Variants in GOLGA5 observed in about 807,000 individuals in gnomAD.
GOLGA5 encodes the protein golgin subfamily A member 5.
GOLGA5 carries 50 observed loss-of-function variants against 93.5 expected under a neutral mutation model. The observed-to-expected ratio is 0.53, with a 90% CI of 0.43 to 0.68. The LOEUF is 0.68. GOLGA5 is among the 30% of genes least tolerant of loss of function. The probability of loss-of-function intolerance (pLI) is 0.00; values close to 1 mark genes in which losing one functional copy is unlikely to be tolerated. For missense variants in GOLGA5, 760 were observed against 856.4 expected, an observed-to-expected ratio of 0.89 and a Z score of 1.40; for synonymous variants, 312 against 304.5, an observed-to-expected ratio of 1.02 and a Z score of -0.26.
chr14:92,798,307 C>T (rs143065653), intron 2 of GOLGA5, among the ~76,000 whole-genome samples: 30 of 152,248 alleles, frequency 2.0e-4, no homozygotes, highest in African/African-American at 6.3e-4. Flanking sequence ...CAGTTTGGAT[C>T]GGGGACTATC....
At chr14:92,813,292 G>A (rs1885139852) in intron 6 of GOLGA5, among the ~76,000 whole-genome samples, 2 of 152,288 alleles carry the variant, frequency 1.3e-5, no homozygotes, top group East Asian at 3.9e-4. Context: ...CAAAAGATGT[G>A]TCCTCTTCCT....
chr14:92,811,276 C>A (rs1164146435), intron 5 of GOLGA5, among the ~76,000 whole-genome samples: 1 of 152,134 alleles, frequency 6.6e-6, no homozygotes, highest in Admixed American at 6.5e-5. Context: ...TTCCCAGACC[C>A]ATCTTGAAAA....
chr14:92,835,041 T>C (rs964068455), intron 10 of GOLGA5, among the ~76,000 whole-genome samples: 2 of 152,208 alleles, frequency 1.3e-5, no homozygotes, highest in Non-Finnish European at 2.9e-5. Context: ...GGAATTGTGA[T>C]GTCCTGAGAC....
intron 8 of GOLGA5, among the ~76,000 whole-genome samples, chr14:92,820,183 A>G (rs1351889905): frequency 6.6e-6 from 1 of 152,230 alleles, no homozygotes; most frequent in African/African-American, 2.4e-5. Flanking sequence ...TCATTATCTC[A>G]GCAAGAGGAA....
chr14:92,816,534 TTCGC>T, intron 7 of GOLGA5, 113 bp downstream of exon 7: 1 of 722,098 alleles, frequency 1.4e-6, no homozygotes, highest in African/African-American at 1.8e-5. Flanking sequence ...TTCTCTTCGC[TTCGC>T]TTCGCTTCTC....
chr14:92,801,150 C>G (rs907422456), intron 2 of GOLGA5, among the ~76,000 whole-genome samples: 3 of 152,170 alleles, frequency 2.0e-5, no homozygotes, highest in African/African-American at 7.2e-5. Context: ...GAACCAATGT[C>G]CTGAGATGCC....
Position 92,819,794 on chromosome 14 carries a change from A to C in GOLGA5, c.1578A>C (p.Ala526=). Residue 526 remains alanine, a synonymous_variant, in exon 8 of 13, where the codon GCA becomes GCC. Coordinates refer to ENST00000163416, the MANE Select transcript of GOLGA5 (RefSeq NM_005113.4). ...DLHDQIAGQK[A]SKQELETELE... ...ATGACCAAATAGCTGGGCAGAAAGC[A>C]TCCAAACAAGAACTAGAGACAGAAC... 6.2e-7 allele frequency: 1 copy of C among 1,614,138 alleles called. No individual in the cohort carries two copies. Among genetic ancestry groups the C allele is most frequent in the Non-Finnish European group, 8.5e-7 (1 of 1,179,946 alleles).
At chr14:92,810,228 A>T in intron 4 of GOLGA5, 26 bp from the exon 5 acceptor site, 1 of 1,571,600 alleles carries the variant, frequency 6.4e-7, no homozygotes, top group African/African-American at 1.4e-5. Context: ...GACATGAGTT[A>T]TTTCACATGA....
intron 2 of GOLGA5, among the ~76,000 whole-genome samples, chr14:92,801,597 T>C (rs140287684): frequency 6.6e-6 from 1 of 152,190 alleles, no homozygotes; most frequent in Non-Finnish European, 1.5e-5. Flanking sequence ...GGCATCTCAA[T>C]GAATAGAAGT....
intron 2 of GOLGA5, among the ~76,000 whole-genome samples, chr14:92,801,081 C>T (rs767704620): frequency 1.8e-4 from 28 of 152,314 alleles, no homozygotes; most frequent in South Asian, 4.1e-4. Flanking sequence ...ATTGTGACAA[C>T]CAACAATGTC....
At chr14:92,835,959 AAATT>A (rs1156410576) in intron 11 of GOLGA5, among the ~76,000 whole-genome samples, 2 of 152,120 alleles carry the variant, frequency 1.3e-5, no homozygotes, top group African/African-American at 2.4e-5. Context: ...TTTCTATAAT[AAATT>A]CTATTTTTAA....
intron 12 of GOLGA5, 57 bp downstream of exon 12, chr14:92,837,506 TTTTG>T (rs71123381): frequency 1.7e-4 from 108 of 619,086 alleles, no homozygotes; most frequent in East Asian, 3.1e-4. Flanking sequence ...TAGTTTTTTT[TTTTG>T]TTTGTTTGTT....
intron 9 of GOLGA5, among the ~76,000 whole-genome samples, chr14:92,830,319 A>G (rs979191813): frequency 6.6e-6 from 1 of 152,180 alleles, no homozygotes; most frequent in Non-Finnish European, 1.5e-5. Context: ...CTCCGTCTCA[A>G]AAACAAAAGC....
intron 2 of GOLGA5, among the ~76,000 whole-genome samples, chr14:92,800,348 A>G (rs961740454): frequency 1.3e-5 from 2 of 152,234 alleles, no homozygotes; most frequent in African/African-American, 4.8e-5. Flanking sequence ...AAGAATGAAC[A>G]GGAGTTTGCC....
chr14:92,829,089 C>T (rs894670983), intron 9 of GOLGA5, among the ~76,000 whole-genome samples: 18 of 152,172 alleles, frequency 1.2e-4, no homozygotes, highest in African/African-American at 4.1e-4. Flanking sequence ...TTCAGCTTCC[C>T]AAGTGGCTGG....
intron 9 of GOLGA5, among the ~76,000 whole-genome samples, chr14:92,826,980 T>G (rs1203005127): frequency 6.6e-6 from 1 of 152,090 alleles, no homozygotes; most frequent in Non-Finnish European, 1.5e-5. Context: ...AATTTTCTTC[T>G]CATCAAAAGA....
At chr14:92,837,027 C>T (rs377381511) in intron 11 of GOLGA5, among the ~76,000 whole-genome samples, 2 of 151,614 alleles carry the variant, frequency 1.3e-5, no homozygotes, top group African/African-American at 2.4e-5. Flanking sequence ...GCAGAGATCG[C>T]GCCATTGCAC....
Position 92,811,726 on chromosome 14 carries a change from A to G in GOLGA5, c.1292A>G (p.Tyr431Cys), listed in dbSNP as rs142379108. 3.6e-5 allele frequency: 58 copies of G among 1,612,568 alleles called. No individual in the cohort carries two copies. The highest frequency in any genetic ancestry group is 1.7e-4 in the Middle Eastern group (1 of 6,056). Residue 431 changes from tyrosine (Y) to cysteine (C), a missense_variant, in exon 6 of 13, where the codon TAC becomes TGC. By Grantham distance (194) the Tyr-to-Cys change is radical. Coordinates refer to ENST00000163416, the MANE Select transcript of GOLGA5 (RefSeq NM_005113.4). ...TCCTCTAAGCAGGAATTAATTGACT[A>G]CAAGCAAAAAGCTACTAGAATACTG... ...LESSKQELID[Y>C]KQKATRILQS...
Position 92,797,610 on chromosome 14 carries a change from C to T in GOLGA5, c.173C>T (p.Pro58Leu). The T allele has an allele frequency of 1.2e-6, 2 of 1,613,222 alleles. No individual in the cohort carries two copies. Among genetic ancestry groups the T allele is most frequent in the Non-Finnish European group, 1.7e-6 (2 of 1,179,198 alleles). The part of the protein sequence containing the change: ...QNTDLIYQTG[P>L]KSTYISSAAD... ...ACAGATTTGATATATCAGACTGGAC[C>T]TAAATCTACGTATATTTCATCAGCA... The change falls in exon 2 of 13, where the codon CCT becomes CTT. Residue 58 changes from proline to leucine, a missense_variant. By Grantham distance (98) the Pro-to-Leu change is moderately conservative. Coordinates refer to ENST00000163416, the MANE Select transcript of GOLGA5 (RefSeq NM_005113.4).
Sources: gnomAD v4.1 joint callset for allele counts (sites outside exome capture counted in the v4.1 genomes callset) on GRCh38, gnomAD v4.1.1 for gene constraint, MANE v1.5 for transcripts, NCBI Gene and HGNC (gene_info 2026-07-23, HGNC 2026-07-21) for gene names.